The following TRPS1 variants were observed in gnomAD, a reference collection of about 807,000 sequenced individuals.
TRPS1 encodes the protein transcriptional repressor GATA binding 1.
Under a neutral mutation model 101.2 loss-of-function variants are expected in TRPS1, and 6 were observed. That is an observed-to-expected ratio of 0.06 (90% CI 0.03 to 0.12). TRPS1 has a LOEUF of 0.12. Among genes scored for constraint, TRPS1 ranks in the 10% least tolerant of loss-of-function variants. The pLI, the probability that TRPS1 is intolerant of heterozygous loss-of-function variation, is 1.00. For missense variants in TRPS1, 1,363 were observed against 1,567.0 expected (o/e 0.87, Z 2.20); for synonymous variants, 578 against 589.8 (o/e 0.98, Z 0.29).
chr8:115,587,660 T>C, intron 4 of TRPS1, 56 bp from the exon 5 acceptor site: 1 of 1,611,246 alleles, frequency 6.2e-7, no homozygotes, highest in Non-Finnish European at 8.5e-7. Context: ...GTTGTTTTAT[T>C]TTTAATAGCC....
intron 3 of TRPS1, among the ~76,000 whole-genome samples, chr8:115,615,343 G>C (rs1357965434): frequency 6.6e-6 from 1 of 152,144 alleles, no homozygotes; most frequent in Non-Finnish European, 1.5e-5. Context: ...AGGGCTAAAA[G>C]CTCCCCAATA....
chr8:115,514,631 CA>C (rs1366869778), intron 5 of TRPS1, among the ~76,000 whole-genome samples: 11 of 151,448 alleles, frequency 7.3e-5, no homozygotes, highest in Admixed American at 7.3e-4. Context: ...GCCTTCCATG[CA>C]AAAGATATTT....
chr8:115,666,821 G>A (rs1811931941), intron 1 of TRPS1, among the ~76,000 whole-genome samples: 1 of 151,826 alleles, frequency 6.6e-6, no homozygotes, highest in South Asian at 2.1e-4. Flanking sequence ...TTTGTCTCAG[G>A]CCCTATCTGT....
chr8:115,567,737 A>G (rs1485909887), intron 5 of TRPS1, among the ~76,000 whole-genome samples: 1 of 152,130 alleles, frequency 6.6e-6, no homozygotes, highest in African/African-American at 2.4e-5. Flanking sequence ...AGGCACCTCT[A>G]TCAATGTGGA....
chr8:115,482,592 C>T (rs747338571), intron 5 of TRPS1, among the ~76,000 whole-genome samples: 1 of 152,098 alleles, frequency 6.6e-6, no homozygotes, highest in African/African-American at 2.4e-5. Flanking sequence ...TAAACATAGG[C>T]CTTTTAGTGT....
At chr8:115,641,770 C>T (rs1376506913) in intron 1 of TRPS1, among the ~76,000 whole-genome samples, 2 of 152,090 alleles carry the variant, frequency 1.3e-5, no homozygotes, top group East Asian at 3.9e-4. Flanking sequence ...GTCTCAGCTA[C>T]TCGGGAGGCT....
rs546564770 is a variant in TRPS1, at chr8:115,523,513, T to C, written c.2700+63488A>G. On this transcript the variant is annotated intron_variant, in intron 5 of 6. Transcript: ENST00000395715. ...CTCTACTGCACTCCAGCCTGGGCAA[T>C]AGAGCGAGGCTCTGTCTCAAAAATA... 5.3e-5 allele frequency among the ~76,000 whole-genome samples: 8 copies of C among 152,128 alleles called. No homozygotes were observed. The South Asian group carries it at 8.3e-4, about 16-fold the overall frequency.
intron 4 of TRPS1, among the ~76,000 whole-genome samples, chr8:115,589,857 C>T (rs1362632012): frequency 6.6e-6 from 1 of 152,214 alleles, no homozygotes; most frequent in African/African-American, 2.4e-5. Context: ...TGGCTCACGC[C>T]TGTAATCTCA....
intron 5 of TRPS1, among the ~76,000 whole-genome samples, chr8:115,535,496 A>AGC (rs202187951): frequency 6.8e-6 from 1 of 147,064 alleles, no homozygotes; most frequent in Non-Finnish European, 1.5e-5. Flanking sequence ...GCATATATAT[A>AGC]GCATATATAT....
At chr8:115,462,474 C>T (rs1814204823) in intron 5 of TRPS1, among the ~76,000 whole-genome samples, 1 of 152,104 alleles carries the variant, frequency 6.6e-6, no homozygotes. Flanking sequence ...GTATCTACCT[C>T]ATTGAATGGT....
At chr8:115,651,674 G>T (rs1811561877) in intron 1 of TRPS1, among the ~76,000 whole-genome samples, 1 of 152,188 alleles carries the variant, frequency 6.6e-6, no homozygotes, top group African/African-American at 2.4e-5. Context: ...ACAAGGCGGG[G>T]ATGTTTTAAC....
At position 115,623,843 on chromosome 8, in the gene TRPS1, G is replaced by C. The variant is rs144976322; in HGVS notation, c.-121-85C>G. ...TATCACACCTAAAATATATTAATAT[G>C]CTGGCATCATAGGCTGCCTGAAAGA... On this transcript the variant is annotated intron_variant, in intron 1 of 6. Transcript: ENST00000395715. 174 of 1,274,704 alleles carry C rather than the reference G, an allele frequency of 1.4e-4. 1 individual carries two copies. The African/African-American group carries it at 2.2e-3, about 16-fold the overall frequency. 79.0% of individuals were successfully genotyped at this position (1,274,704 alleles called of 1,614,324 possible). A position where few individuals can be genotyped will look rare whatever the true frequency, so the allele number is the denominator to read the frequency against.
intron 5 of TRPS1, among the ~76,000 whole-genome samples, chr8:115,569,937 A>G (rs957101476): frequency 6.6e-6 from 1 of 152,092 alleles, no homozygotes; most frequent in African/African-American, 2.4e-5. Flanking sequence ...TATAAAAAAT[A>G]AATTTTGGAG....
intron 1 of TRPS1, among the ~76,000 whole-genome samples, chr8:115,651,289 A>G (rs1194670109): frequency 6.6e-6 from 1 of 152,222 alleles, no homozygotes; most frequent in African/African-American, 2.4e-5. Context: ...ATTAATCGAT[A>G]AAAGGCAGGA....
At chr8:115,656,931 A>T (rs1206891572) in intron 1 of TRPS1, among the ~76,000 whole-genome samples, 1 of 152,184 alleles carries the variant, frequency 6.6e-6, no homozygotes, top group Non-Finnish European at 1.5e-5. Context: ...AAAAAACTAA[A>T]CTAAATATTT....
intron 5 of TRPS1, among the ~76,000 whole-genome samples, chr8:115,437,844 TG>T (rs1392381476): frequency 2.0e-5 from 3 of 152,182 alleles, no homozygotes; most frequent in African/African-American, 7.2e-5. Flanking sequence ...TTGGTTTGTC[TG>T]GGATACAGGT....
intron 5 of TRPS1, among the ~76,000 whole-genome samples, chr8:115,524,911 C>G (rs1483292940): frequency 6.6e-6 from 1 of 152,070 alleles, no homozygotes; most frequent in African/African-American, 2.4e-5. Context: ...GTGGTTATTC[C>G]AAAATGTATA....
intron 5 of TRPS1, among the ~76,000 whole-genome samples, chr8:115,573,001 C>T (rs764171836): frequency 7.9e-5 from 12 of 151,834 alleles, no homozygotes; most frequent in Non-Finnish European, 1.2e-4. Flanking sequence ...GGCGTGGTGG[C>T]GCATCCCAGC....
intron 1 of TRPS1, among the ~76,000 whole-genome samples, chr8:115,664,710 G>A (rs1811882241): frequency 6.6e-6 from 1 of 152,092 alleles, no homozygotes; most frequent in Non-Finnish European, 1.5e-5. Context: ...CATAAAACTT[G>A]CGGGTTTTTA....
Sources: allele counts gnomAD v4.1 joint callset (sites outside exome capture counted in the v4.1 genomes callset), GRCh38; gene constraint gnomAD v4.1.1; transcripts MANE v1.5; gene names NCBI Gene and HGNC (gene_info 2026-07-23, HGNC 2026-07-21).